Variants in DIAPH1 observed in about 807,000 individuals in gnomAD.
The protein encoded by DIAPH1 is diaphanous related formin 1.
In DIAPH1, 46 loss-of-function variants were observed where a neutral mutation model predicts 140.7. The observed-to-expected ratio is 0.33, with a 90% confidence interval of 0.26 to 0.42. The LOEUF (loss-of-function observed/expected upper bound fraction) is 0.42. DIAPH1 is among the 10% of genes least tolerant of loss of function. The pLI, the probability that DIAPH1 is intolerant of heterozygous loss-of-function variation, is 1.00. For synonymous variants in DIAPH1, 565 were observed against 551.6 expected (o/e 1.02, Z -0.34); for missense variants, 1,310 against 1,558.7 (o/e 0.84, Z 2.69).
At chr5:141,613,237 T>C (rs2099902120) in intron 1 of DIAPH1, among the ~76,000 whole-genome samples, 1 of 152,178 alleles carries the variant, frequency 6.6e-6, no homozygotes, top group African/African-American at 2.4e-5. Context: ...ATCCCCCGCC[T>C]TGGAGGAAAG....
chr5:141,580,087 T>C (rs1048366676), intron 8 of DIAPH1, among the ~76,000 whole-genome samples: 6 of 152,034 alleles, frequency 3.9e-5, no homozygotes, highest in African/African-American at 1.2e-4. Flanking sequence ...AGTACCGACA[T>C]AGAAGAAATG....
At chr5:141,579,649 T>C (rs1457645175) in intron 8 of DIAPH1, among the ~76,000 whole-genome samples, 1 of 152,136 alleles carries the variant, frequency 6.6e-6, no homozygotes, top group East Asian at 1.9e-4. Context: ...AAATCTGCTT[T>C]AAAAAATATC....
At chr5:141,570,296 T>G (rs2099894981) in intron 18 of DIAPH1, among the ~76,000 whole-genome samples, 1 of 152,220 alleles carries the variant, frequency 6.6e-6, no homozygotes, top group Non-Finnish European at 1.5e-5. Context: ...TCATTTAATT[T>G]TGACTTTGTC....
chr5:141,561,849 T>A (rs933368712), intron 18 of DIAPH1: 2 of 152,180 alleles, frequency 1.3e-5, no homozygotes, highest in African/African-American at 4.8e-5. Flanking sequence ...GGACACTAAG[T>A]TCTAGAGCAA....
intron 27 of DIAPH1, among the ~76,000 whole-genome samples, chr5:141,517,611 G>C (rs1196385094): frequency 6.6e-6 from 1 of 152,044 alleles, no homozygotes; most frequent in African/African-American, 2.4e-5. Context: ...CCCCTTCAAA[G>C]GTAGCAGCCG....
intron 1 of DIAPH1, among the ~76,000 whole-genome samples, chr5:141,600,900 A>C (rs990853066): frequency 6.6e-6 from 1 of 152,224 alleles, no homozygotes; most frequent in South Asian, 2.1e-4. Context: ...TTATACTAGA[A>C]CTGCCTTTTT....
At chr5:141,564,873 G>A (rs1022471862) in intron 18 of DIAPH1, 1 of 152,166 alleles carries the variant, frequency 6.6e-6, no homozygotes, top group Non-Finnish European at 1.5e-5. Context: ...AACCCCTGGT[G>A]CAATCTTATT....
Position 141,618,940 on chromosome 5 carries a change from C to G in DIAPH1, c.-26G>C. The G allele has an allele frequency of 8.0e-6, 11 of 1,368,212 alleles. No individual in the cohort carries two copies. The highest frequency in any genetic ancestry group is 1.1e-5 in the Non-Finnish European group (11 of 1,020,796). The allele number at this position is 1,368,212 out of a possible 1,614,324, so 84.8% of individuals were successfully genotyped here. A position where few individuals can be genotyped will look rare whatever the true frequency, so the allele number is the denominator to read the frequency against. ...GTCCCGGTTCACGCTGGCCGGCGAC[C>G]CCGCGCCTACGCCGCTCCCGCCTGG... is the stretch of plus-strand genomic sequence containing the variant. On this transcript the variant is annotated 5_prime_UTR_variant, in exon 1 of 28. Transcript: ENST00000389054.
chr5:141,561,058 C>G (rs1329282011), intron 18 of DIAPH1, among the ~76,000 whole-genome samples: 1 of 151,940 alleles, frequency 6.6e-6, no homozygotes, highest in Non-Finnish European at 1.5e-5. Context: ...AATAGCTCAA[C>G]TGCGCGCACC....
chr5:141,527,202 G>T (rs1295300050), intron 24 of DIAPH1, among the ~76,000 whole-genome samples: 1 of 151,946 alleles, frequency 6.6e-6, no homozygotes, highest in Non-Finnish European at 1.5e-5. Flanking sequence ...ATGCTCTCAG[G>T]AACTATGCAG....
At chr5:141,614,530 C>T (rs190889182) in intron 1 of DIAPH1, among the ~76,000 whole-genome samples, 28 of 152,184 alleles carry the variant, frequency 1.8e-4, no homozygotes, top group Admixed American at 1.1e-3. Context: ...ACATAATTTA[C>T]GGGTCATAAA....
rs35723927 is a variant in DIAPH1 at position 141,536,454 on chromosome 5, T to C, written c.2483-2021A>G. On this transcript the variant is annotated intron_variant, in intron 18 of 27. Coordinates refer to ENST00000389054, the MANE Select transcript of DIAPH1 (RefSeq NM_005219.5). ...ATGGAAATAAAAGAAGTGAACAAAA[T>C]AGAGAAAGATTCTTGCCTTCATGGA... 3.6e-3 allele frequency among the ~76,000 whole-genome samples: 548 copies of C among 152,182 alleles called. 2 individuals are homozygous for C. Among genetic ancestry groups the C allele is most frequent in the Middle Eastern group, 0.014 (4 of 294 alleles).
intron 13 of DIAPH1, 30 bp downstream of exon 13, chr5:141,576,726 T>C (rs1178517855): frequency 7.2e-6 from 10 of 1,394,932 alleles, no homozygotes; most frequent in Non-Finnish European, 1.0e-5. Flanking sequence ...AAGCAATACT[T>C]GGAGGAGCCA....
intron 1 of DIAPH1, among the ~76,000 whole-genome samples, chr5:141,617,014 G>A (rs1467662985): frequency 6.6e-6 from 1 of 152,090 alleles, no homozygotes; most frequent in East Asian, 1.9e-4. Flanking sequence ...ATAAAATAGA[G>A]TACATATAAA....
chr5:141,555,754 T>C (rs755984788), intron 18 of DIAPH1, among the ~76,000 whole-genome samples: 1 of 152,062 alleles, frequency 6.6e-6, no homozygotes, highest in Non-Finnish European at 1.5e-5. Context: ...CAACAAACAA[T>C]AGTAGAAAAG....
Position 141,574,205 on chromosome 5 carries a change from C to T in DIAPH1, c.1645G>A (p.Ala549Thr). 6.2e-7 allele frequency: 1 copy of T among 1,614,114 alleles called. No individual in the cohort carries two copies. Among genetic ancestry groups the T allele is most frequent in the Non-Finnish European group, 8.5e-7 (1 of 1,180,020 alleles). ...TCTTCCAGTTCCTTTGTCAGCTTGG[C>T]AACCTACAGAAATAACATCAATGTG... ...AEVSQLTGEV[A>T]KLTKELEDAK... The change falls in exon 16 of 28, where the codon GCC becomes ACC. Residue 549 changes from alanine (A) to threonine (T), a missense_variant. By Grantham distance (58) the Ala-to-Thr change is moderately conservative. Around this residue, in one of 3 missense-constraint regions of DIAPH1, gnomAD observed 589 missense variants for 549.3 expected, o/e 1.07. Transcript: ENST00000389054.
intron 18 of DIAPH1, among the ~76,000 whole-genome samples, chr5:141,552,879 A>C (rs1418094943): frequency 6.6e-6 from 1 of 152,030 alleles, no homozygotes; most frequent in Non-Finnish European, 1.5e-5. Context: ...TAACACCTTG[A>C]TCTTGGACTT....
At position 141,526,459 on chromosome 5, in the gene DIAPH1, G is replaced by A. The variant is rs369559394; in HGVS notation, c.3276C>T (p.Ser1092=). 6.2e-7 allele frequency: 1 copy of A among 1,614,010 alleles called. No homozygotes were observed. The highest frequency in any genetic ancestry group is 1.3e-5 in the African/African-American group (1 of 74,892). The stretch of plus-strand genomic sequence containing the variant: ...ACTGTTCCTGTGCATCCTTCACAAA[G>A]CTGTGCAGCCAAGGAGTAAAGGACC... ...EKDKFVEKMT[S]FVKDAQEQYN... The change falls in exon 25 of 28, where the codon AGC becomes AGT. Residue 1092 remains serine (S), a splice_region_variant and synonymous_variant. Coordinates refer to ENST00000389054, the MANE Select transcript of DIAPH1 (RefSeq NM_005219.5).
chr5:141,526,291 G>A lies in DIAPH1; in HGVS notation c.3438+6C>T, dbSNP rs1415363601. 6.2e-7 allele frequency: 1 copy of A among 1,614,152 alleles called. No homozygotes were observed. The highest frequency in any genetic ancestry group is 8.5e-7 in the Non-Finnish European group (1 of 1,180,014). On this transcript the variant is annotated splice_donor_region_variant and intron_variant, in intron 25 of 27. Transcript: ENST00000389054. ...AAGATTCAGTCAGCAAGTATCCCTT[G>A]CTCACCAAAAACATATTCCGAAAAT...
Sources: allele counts gnomAD v4.1 joint callset (sites outside exome capture counted in the v4.1 genomes callset), GRCh38; gene constraint gnomAD v4.1.1; regional missense constraint gnomAD v4.1.1; transcripts MANE v1.5; gene names NCBI Gene and HGNC (gene_info 2026-07-23, HGNC 2026-07-21).